NR2C1: variants seen among roughly 807,000 people sequenced by gnomAD.
The protein encoded by NR2C1 is TR2 nuclear hormone receptor.
In NR2C1, 33 loss-of-function variants were observed where a neutral mutation model predicts 74.8. The observed-to-expected ratio is 0.44, with a 90% CI of 0.33 to 0.59. NR2C1 has a LOEUF of 0.59. NR2C1 is among the 20% of genes least tolerant of loss of function. The pLI is 0.02. For missense variants in NR2C1, 568 were observed against 715.6 expected, an observed-to-expected ratio of 0.79 and a Z score of 2.35; for synonymous variants, 225 against 240.6, an observed-to-expected ratio of 0.94 and a Z score of 0.60.
At position 95,021,489 on chromosome 12, in the gene NR2C1, C is replaced by CA. The variant is rs1455929878; in HGVS notation, c.*739dup. 3.3e-5 allele frequency: 5 copies of CA among 151,902 alleles called. No homozygotes were observed. The highest frequency in any genetic ancestry group is 5.9e-5 in the Non-Finnish European group (4 of 67,972). 9.4% of individuals were successfully genotyped at this position (151,902 alleles called of 1,614,324 possible). A position where few individuals can be genotyped will look rare whatever the true frequency, so the allele number is the denominator to read the frequency against. On this transcript the variant is annotated 3_prime_UTR_variant, in exon 14 of 14. Transcript: ENST00000333003. The stretch of plus-strand genomic sequence containing the variant: ...TGAAACCCACCTCTATAAACGAAAA[C>CA]AAAAACAAAAACACGAGCAGTAAGC...
chr12:95,062,987 T>C, intron 2 of NR2C1: 1 of 529,130 alleles, frequency 1.9e-6, no homozygotes, highest in Non-Finnish European at 3.4e-6. Flanking sequence ...CATGTTCCAT[T>C]TAGACAAACA....
intron 9 of NR2C1, 45 bp from the exon 10 acceptor site, chr12:95,040,642 G>A (rs770176318): frequency 2.3e-5 from 35 of 1,535,000 alleles, no homozygotes; most frequent in Non-Finnish European, 3.0e-5. Flanking sequence ...TGACTGAAAA[G>A]TTCTAAATTA....
At position 95,059,986 on chromosome 12, in the gene NR2C1, TAAA is replaced by T. The variant is rs79760875; in HGVS notation, c.286-5_286-3del. On this transcript the variant is annotated splice_region_variant and splice_polypyrimidine_tract_variant and intron_variant, in intron 3 of 13. Transcript: ENST00000333003. Reference sequence around the variant, plus strand: ...GTCTGGAGAATTATCTGTTAGGAGCTAAAAAAAAAAAAAAAAAAAAAGAAAACA... The same window carrying T: ...GTCTGGAGAATTATCTGTTAGGAGCTAAAAAAAAAAAAAAAAAAGAAAACA... The T allele has an allele frequency of 0.077, 80,218 of 1,037,146 alleles. 19 individuals are homozygous for T. The highest frequency in any genetic ancestry group is 0.084 in the Middle Eastern group (245 of 2,904). The allele number at this position is 1,037,146 out of a possible 1,614,324, so 64.2% of individuals were successfully genotyped here.
chr12:95,040,222 C>T (rs1441933846), intron 10 of NR2C1, among the ~76,000 whole-genome samples: 2 of 152,070 alleles, frequency 1.3e-5, no homozygotes, highest in South Asian at 2.1e-4. Context: ...TAGCCATAGT[C>T]TTATCAATTC....
rs779163190 is a variant in NR2C1, at chr12:95,057,725, CT to C, written c.692+5del. On this transcript the variant is annotated splice_donor_5th_base_variant and intron_variant, in intron 6 of 13. Coordinates refer to ENST00000333003, the MANE Select transcript of NR2C1 (RefSeq NM_003297.4). ...GACCAGCTACTCAGTGTCTGTTTTA[CT>C]TTACCTTGTACTTTCACTATCTGTT... 2 of 1,613,542 alleles carry C rather than the reference CT, an allele frequency of 1.2e-6. No individual in the cohort carries two copies. Among genetic ancestry groups the C allele is most frequent in the East Asian group, 2.2e-5 (1 of 44,860 alleles).
At chr12:95,059,271 C>T (rs984912399) in intron 4 of NR2C1, among the ~76,000 whole-genome samples, 11 of 147,016 alleles carry the variant, frequency 7.5e-5, no homozygotes, top group Non-Finnish European at 1.5e-4. Context: ...CACTGCACTA[C>T]AGTCAGGGTG....
intron 2 of NR2C1, among the ~76,000 whole-genome samples, chr12:95,064,647 G>A (rs994024602): frequency 2.0e-5 from 3 of 152,008 alleles, no homozygotes; most frequent in Non-Finnish European, 2.9e-5. Flanking sequence ...TCTGCCATCT[G>A]GGGGGGAGGA....
intron 10 of NR2C1, among the ~76,000 whole-genome samples, chr12:95,034,874 A>C (rs1418558570): frequency 6.6e-6 from 1 of 152,120 alleles, no homozygotes; most frequent in Admixed American, 6.6e-5. Flanking sequence ...ACAATGACAA[A>C]ACTGCCTAAT....
At chr12:95,068,142 T>C (rs1456866316) in intron 1 of NR2C1, among the ~76,000 whole-genome samples, 1 of 152,196 alleles carries the variant, frequency 6.6e-6, no homozygotes, top group Non-Finnish European at 1.5e-5. Flanking sequence ...CCTCCCAAAG[T>C]GCTGGGATTA....
At chr12:95,025,977 T>G (rs1406954249) in intron 12 of NR2C1, among the ~76,000 whole-genome samples, 1 of 151,160 alleles carries the variant, frequency 6.6e-6, no homozygotes, top group East Asian at 1.9e-4. Context: ...GAGGCCGAGG[T>G]GGGGGGGATC....
chr12:95,047,609 CA>C (rs1222084268), intron 9 of NR2C1, among the ~76,000 whole-genome samples: 1 of 152,126 alleles, frequency 6.6e-6, no homozygotes, highest in Non-Finnish European at 1.5e-5. Flanking sequence ...TAAAAAAATC[CA>C]TGGAATTTTA....
intron 7 of NR2C1, among the ~76,000 whole-genome samples, chr12:95,054,231 TC>T (rs1873497974): frequency 6.6e-6 from 1 of 152,170 alleles, no homozygotes; most frequent in South Asian, 2.1e-4. Flanking sequence ...AAATCATCAT[TC>T]CTCTATTGCT....
chr12:95,044,648 G>C (rs950148669), intron 9 of NR2C1, among the ~76,000 whole-genome samples: 1 of 152,044 alleles, frequency 6.6e-6, no homozygotes, highest in East Asian at 1.9e-4. Flanking sequence ...ACTTTGGGGG[G>C]GCCGAGGTGG....
intron 9 of NR2C1, among the ~76,000 whole-genome samples, chr12:95,046,675 C>G (rs1172188006): frequency 6.6e-6 from 1 of 152,126 alleles, no homozygotes; most frequent in Non-Finnish European, 1.5e-5. Flanking sequence ...CTGCAAACTA[C>G]AGTGTACATA....
In NR2C1 at chr12:95,062,536, G is replaced by T; in HGVS notation, c.257C>A (p.Thr86Asn). The T allele has an allele frequency of 6.2e-7, 1 of 1,611,214 alleles. No individual in the cohort carries two copies. The highest frequency in any genetic ancestry group is 1.3e-5 in the African/African-American group (1 of 74,962). ...CAGGTGTTGTGCAGACAGATCAGGA[G>T]TGGTAAAAAATAACTGGTTGACACC... ...AAGVNQLFFT[T>N]PDLSAQHLQL... The change falls in exon 3 of 14, where the codon ACT (threonine) becomes AAT (asparagine). Residue 86 changes from threonine (T) to asparagine (N), a missense_variant. Thr to Asn is a moderately conservative substitution (Grantham distance 65, BLOSUM62 0). Transcript: ENST00000333003.
chr12:95,065,677 C>A (rs1031784821), intron 2 of NR2C1, among the ~76,000 whole-genome samples: 1 of 151,870 alleles, frequency 6.6e-6, no homozygotes, highest in Admixed American at 6.6e-5. Context: ...ATTGACTGGG[C>A]GCAGGGGCTC....
Position 95,057,807 on chromosome 12 carries a change from T to C in NR2C1, c.616A>G (p.Lys206Glu), listed in dbSNP as rs778664053. 4 of 1,614,056 alleles carry C rather than the reference T, an allele frequency of 2.5e-6. No individual in the cohort carries two copies. Among genetic ancestry groups the C allele is most frequent in the Non-Finnish European group, 3.4e-6 (4 of 1,180,016 alleles). ...CGAAGGTCCTTTCGGATATAGATTTTTTCTGTTGAAGCGGCACAGTTGGAA... is the reference window on the plus strand; with the variant it reads ...CGAAGGTCCTTTCGGATATAGATTTCTTCTGTTGAAGCGGCACAGTTGGAA... ...KSSNCAASTE[K>E]IYIRKDLRSP... is the part of the protein sequence containing the mutation. The change falls in exon 6 of 14, where the codon AAA becomes GAA. Residue 206 changes from lysine (K) to glutamate (E), a missense_variant. Around this residue, in one of 6 missense-constraint regions of NR2C1, gnomAD observed 239 missense variants for 232.3 expected, o/e 1.03. Coordinates refer to ENST00000333003, the MANE Select transcript of NR2C1 (RefSeq NM_003297.4).
chr12:95,040,360 C>A, intron 10 of NR2C1, 116 bp downstream of exon 10: 2 of 945,996 alleles, frequency 2.1e-6, no homozygotes, highest in Admixed American at 2.9e-5. Context: ...CAACTTAAAG[C>A]TATAATGTTA....
At chr12:95,067,500 T>G in intron 1 of NR2C1, 109 bp from the exon 2 acceptor site, 1 of 897,732 alleles carries the variant, frequency 1.1e-6, no homozygotes, top group Non-Finnish European at 1.7e-6. Context: ...AATAATCTAG[T>G]TAAGGTGGGA....
Sources: allele counts gnomAD v4.1 joint callset (sites outside exome capture counted in the v4.1 genomes callset), GRCh38; gene constraint gnomAD v4.1.1; regional missense constraint gnomAD v4.1.1; transcripts MANE v1.5; gene names NCBI Gene and HGNC (gene_info 2026-07-23, HGNC 2026-07-21).